Variants in DNER observed in about 807,000 individuals in gnomAD.
DNER encodes delta and Notch-like epidermal growth factor-related receptor.
Under a neutral mutation model 78.2 loss-of-function variants are expected in DNER, and 33 were observed. That is an observed-to-expected ratio of 0.42 (90% CI 0.32 to 0.56). The LOEUF (loss-of-function observed/expected upper bound fraction) is 0.56, where lower values mean the gene tolerates loss of function less well. Ranked by LOEUF, DNER falls within the 20% of genes least tolerant of loss-of-function variation. The probability of loss-of-function intolerance (pLI) is 0.11; values close to 1 mark genes in which losing one functional copy is unlikely to be tolerated. For synonymous variants in DNER, 417 were observed against 384.8 expected (o/e 1.08, Z -0.98); for missense variants, 918 against 975.3 (o/e 0.94, Z 0.78).
At chr2:229,510,449 T>G (rs976723278) in intron 6 of DNER, among the ~76,000 whole-genome samples, 6 of 152,116 alleles carry the variant, frequency 3.9e-5, no homozygotes, top group African/African-American at 1.4e-4. Flanking sequence ...CAGGAGGCCA[T>G]CTCAGCAGCA....
intron 1 of DNER, among the ~76,000 whole-genome samples, chr2:229,679,291 A>AT (rs1699349022): frequency 6.6e-6 from 1 of 152,196 alleles, no homozygotes; most frequent in Admixed American, 6.5e-5. Flanking sequence ...TAAATAATTA[A>AT]TTTTCACCTT....
At chr2:229,578,901 T>TG (rs1404311097) in intron 4 of DNER, among the ~76,000 whole-genome samples, 1 of 152,214 alleles carries the variant, frequency 6.6e-6, no homozygotes. Flanking sequence ...CTTTTTCGTT[T>TG]GAAAGATAAA....
chr2:229,423,592 G>A (rs1158190262), intron 8 of DNER, among the ~76,000 whole-genome samples: 4 of 147,598 alleles, frequency 2.7e-5, no homozygotes, highest in Non-Finnish European at 1.5e-5. Flanking sequence ...TCCAGCCTGG[G>A]AGATAGAGCG....
rs116718128 is a variant in DNER at position 229,711,042 on chromosome 2, C to T, written c.276+3106G>A. The stretch of plus-strand genomic sequence containing the variant: ...ACACAGGATACAAAAAGGTTTACTG[C>T]TGACATAATGGGGCTCTCTGGGGAG... On this transcript the variant is annotated intron_variant, in intron 1 of 12. Coordinates refer to ENST00000341772, the MANE Select transcript of DNER (RefSeq NM_139072.4). 9.0e-3 allele frequency among the ~76,000 whole-genome samples: 1,357 copies of T among 150,546 alleles called. 20 individuals carry two copies. The highest frequency in any genetic ancestry group is 0.032 in the African/African-American group (1,288 of 40,846).
At chr2:229,492,519 G>C (rs1044491789) in intron 6 of DNER, among the ~76,000 whole-genome samples, 1 of 152,096 alleles carries the variant, frequency 6.6e-6, no homozygotes, top group Non-Finnish European at 1.5e-5. Context: ...GATGGGCCCC[G>C]AGTGAAGAGG....
chr2:229,681,253 G>C, intron 1 of DNER, among the ~76,000 whole-genome samples: 1 of 152,174 alleles, frequency 6.6e-6, no homozygotes, highest in East Asian at 1.9e-4. Context: ...ATAAGAAGAA[G>C]CTGAGCTAGA....
chr2:229,396,991 G>A (rs1311319353), intron 10 of DNER, among the ~76,000 whole-genome samples: 1 of 152,082 alleles, frequency 6.6e-6, no homozygotes, highest in African/African-American at 2.4e-5. Context: ...AGACTTTGGG[G>A]GTGGGTTTGC....
intron 4 of DNER, among the ~76,000 whole-genome samples, chr2:229,574,609 C>T (rs374416339): frequency 2.6e-5 from 4 of 151,894 alleles, no homozygotes; most frequent in South Asian, 2.1e-4. Context: ...AGTAGAGGGG[C>T]GGGTTATAGG....
intron 1 of DNER, among the ~76,000 whole-genome samples, chr2:229,621,804 G>C (rs556240323): frequency 1.3e-5 from 2 of 152,284 alleles, no homozygotes; most frequent in Admixed American, 1.3e-4. Context: ...CATATAAAAG[G>C]GCCGGGCGCA....
chr2:229,551,819 C>A (rs1328207239), intron 4 of DNER, among the ~76,000 whole-genome samples: 3 of 151,984 alleles, frequency 2.0e-5, no homozygotes, highest in Non-Finnish European at 4.4e-5. Flanking sequence ...GTAATCCCAG[C>A]TACTCGGGAG....
intron 8 of DNER, among the ~76,000 whole-genome samples, chr2:229,421,070 A>G (rs906192835): frequency 5.3e-5 from 8 of 152,214 alleles, no homozygotes; most frequent in East Asian, 1.9e-4. Context: ...ACATAATACA[A>G]TGGAATATTA....
At chr2:229,444,074 C>G (rs745385768) in intron 8 of DNER, among the ~76,000 whole-genome samples, 4 of 152,178 alleles carry the variant, frequency 2.6e-5, no homozygotes, top group Non-Finnish European at 5.9e-5. Flanking sequence ...ATGCACACGT[C>G]TTCAGGCTTT....
intron 11 of DNER, among the ~76,000 whole-genome samples, chr2:229,367,615 A>G (rs539301966): frequency 6.6e-6 from 1 of 152,152 alleles, no homozygotes; most frequent in African/African-American, 2.4e-5. Flanking sequence ...AAAAAGAAAA[A>G]CCAGAAATAT....
chr2:229,585,061 A>G (rs1163785510), intron 4 of DNER, among the ~76,000 whole-genome samples: 1 of 152,172 alleles, frequency 6.6e-6, no homozygotes, highest in Non-Finnish European at 1.5e-5. Flanking sequence ...AAAGAGAGCT[A>G]TAATCCCACC....
At chr2:229,477,897 G>A in intron 6 of DNER, among the ~76,000 whole-genome samples, 1 of 152,142 alleles carries the variant, frequency 6.6e-6, no homozygotes, top group East Asian at 1.9e-4. Context: ...TTGTTGGATT[G>A]TAACATAACT....
chr2:229,438,281 A>G (rs1260271884), intron 8 of DNER, among the ~76,000 whole-genome samples: 1 of 152,198 alleles, frequency 6.6e-6, no homozygotes, highest in Admixed American at 6.5e-5. Flanking sequence ...CTTTCATGCC[A>G]AGCTTTGAGG....
intron 10 of DNER, among the ~76,000 whole-genome samples, chr2:229,393,585 C>A (rs1271961209): frequency 1.3e-5 from 2 of 152,172 alleles, no homozygotes; most frequent in African/African-American, 4.8e-5. Flanking sequence ...CAGTGGCTCA[C>A]ACCTGTAATC....
At chr2:229,565,018 G>C (rs1345120223) in intron 4 of DNER, among the ~76,000 whole-genome samples, 1 of 152,142 alleles carries the variant, frequency 6.6e-6, no homozygotes, top group Non-Finnish European at 1.5e-5. Context: ...TCCTATTAAT[G>C]AGGGCTCTGC....
intron 4 of DNER, among the ~76,000 whole-genome samples, chr2:229,575,759 A>ATAAG (rs1300019693): frequency 6.6e-6 from 1 of 152,224 alleles, no homozygotes; most frequent in Non-Finnish European, 1.5e-5. Context: ...ACAGGTACCA[A>ATAAG]TAAGTAAATC....
Sources: gnomAD v4.1 joint callset for allele counts (sites outside exome capture counted in the v4.1 genomes callset) on GRCh38, gnomAD v4.1.1 for gene constraint, MANE v1.5 for transcripts, NCBI Gene and HGNC (gene_info 2026-07-23, HGNC 2026-07-21) for gene names.